RANBP2: variants seen among roughly 807,000 people sequenced by gnomAD.
RANBP2 encodes the protein E3 SUMO-protein ligase RanBP2.
RANBP2 carries 57 observed loss-of-function variants against 303.6 expected under a neutral mutation model. That is an observed-to-expected ratio of 0.19 (90% CI 0.15 to 0.23). The LOEUF (loss-of-function observed/expected upper bound fraction) is 0.23. RANBP2 is among the 10% of genes least tolerant of loss of function. RANBP2 has a pLI of 1.00. For missense variants in RANBP2, 3,138 were observed against 3,780.8 expected (o/e 0.83, Z 4.46); for synonymous variants, 1,167 against 1,301.5 (o/e 0.90, Z 2.23).
At chr2:109,170,244 T>TTCTCTTCTCTTCTCTTCTTCTC in the RANBP2 span, among the ~76,000 whole-genome samples, 1 of 32,966 alleles carries the variant, frequency 3.0e-5, no homozygotes, top group African/African-American at 1.1e-4. Context: ...CTTCTTTTCT[T>TTCTCTTCTCTTCTCTTCTTCTC]TTCTCTTCTC....
At chr2:108,915,911 A>AT in the RANBP2 span, among the ~76,000 whole-genome samples, 1 of 152,126 alleles carries the variant, frequency 6.6e-6, no homozygotes, top group African/African-American at 2.4e-5. Context: ...AAAAAAATAA[A>AT]AAATAAATAA....
the RANBP2 span, among the ~76,000 whole-genome samples, chr2:108,924,688 C>T: frequency 2.6e-5 from 4 of 152,180 alleles, no homozygotes; most frequent in Admixed American, 2.6e-4. Context: ...TGCCTGCCCT[C>T]CCTCAAAGCC....
chr2:108,903,497 T>C, the RANBP2 span, among the ~76,000 whole-genome samples: 23 of 152,260 alleles, frequency 1.5e-4, no homozygotes, highest in African/African-American at 5.5e-4. Context: ...TTATATGTTA[T>C]TACATAATTT....
the RANBP2 span, among the ~76,000 whole-genome samples, chr2:108,859,566 A>C: frequency 6.6e-6 from 1 of 151,878 alleles, no homozygotes; most frequent in African/African-American, 2.4e-5. Flanking sequence ...ATCTTGAGTT[A>C]ATTTTTGTAT....
the RANBP2 span, chr2:108,896,751 A>G: frequency 1.4e-6 from 1 of 689,844 alleles, no homozygotes; most frequent in Non-Finnish European, 2.4e-6. Context: ...ATTGGAAGAC[A>G]GGCCTTATTT....
chr2:108,796,472 A>C, the RANBP2 span, among the ~76,000 whole-genome samples: 1 of 151,932 alleles, frequency 6.6e-6, no homozygotes, highest in African/African-American at 2.4e-5. Context: ...CAGCAATCCC[A>C]CTCCTGGGTA....
chr2:108,776,831 A>G (rs934348037), intron 24 of RANBP2, among the ~76,000 whole-genome samples: 7 of 152,218 alleles, frequency 4.6e-5, no homozygotes, highest in African/African-American at 1.7e-4. Flanking sequence ...TAGGCTCCAT[A>G]GAGCAGAAAC....
chr2:109,045,972 G>C, the RANBP2 span, among the ~76,000 whole-genome samples: 1,031 of 152,122 alleles, frequency 6.8e-3, 13 homozygotes, highest in African/African-American at 0.023. Flanking sequence ...CGTCTTGCAG[G>C]CCTCAGTCCT....
At chr2:109,229,743 T>C in the RANBP2 span, among the ~76,000 whole-genome samples, 2 of 152,200 alleles carry the variant, frequency 1.3e-5, no homozygotes, top group African/African-American at 2.4e-5. Context: ...ATTTGTCCTT[T>C]GTGTCTGGCA....
In RANBP2 at chr2:108,764,689, G is replaced by A; in HGVS notation, c.4150G>A (p.Glu1384Lys). The change falls in exon 20 of 29, where the codon GAG (glutamate) becomes AAG (lysine). Residue 1384 changes from glutamate to lysine, a missense_variant. This residue lies in a region of RANBP2 where 388 missense variants were observed against 328.5 expected (regional missense o/e 1.18). Transcript: ENST00000283195. ...CCAAAATCTAAACCCAAGCAATAAA[G>A]AGCTCGTTGGCCCACCATTAGCTGA... Reference protein sequence around the residue: ...SCQNLNPSNKELVGPPLAETV... With the variant: ...SCQNLNPSNKKLVGPPLAETV... 1.9e-6 allele frequency: 3 copies of A among 1,613,942 alleles called. No homozygotes were observed. The highest frequency in any genetic ancestry group is 1.6e-4 in the Middle Eastern group (1 of 6,062).
the RANBP2 span, among the ~76,000 whole-genome samples, chr2:109,301,333 G>C: frequency 1.1e-5 from 1 of 89,918 alleles, no homozygotes; most frequent in African/African-American, 9.1e-5. Context: ...GTATCTGTGT[G>C]ACGTGTGTGT....
At chr2:109,592,186 C>T in the RANBP2 span, among the ~76,000 whole-genome samples, 19 of 152,062 alleles carry the variant, frequency 1.2e-4, no homozygotes, top group South Asian at 8.3e-4. Context: ...AAATAACGGC[C>T]GGGCGTGGTG....
chr2:109,321,543 A>G, the RANBP2 span, among the ~76,000 whole-genome samples: 5 of 152,368 alleles, frequency 3.3e-5, no homozygotes, highest in Non-Finnish European at 7.3e-5. Context: ...ATAGAAATTT[A>G]ACAAACATTC....
At chr2:109,124,008 AT>A in the RANBP2 span, among the ~76,000 whole-genome samples, 2 of 91,494 alleles carry the variant, frequency 2.2e-5, no homozygotes, top group African/African-American at 5.9e-5. Context: ...TTATTTATTT[AT>A]TTATTTATTT....
the RANBP2 span, among the ~76,000 whole-genome samples, chr2:109,317,060 A>G: frequency 6.6e-6 from 1 of 151,880 alleles, no homozygotes; most frequent in South Asian, 2.1e-4. Flanking sequence ...TCCTGAGGCT[A>G]TCTTGGTGGC....
chr2:109,244,607 A>G, the RANBP2 span, among the ~76,000 whole-genome samples: 38,227 of 152,138 alleles, frequency 0.25, 5,226 homozygotes, highest in East Asian at 0.46. Context: ...CAGGATGAGG[A>G]AAACCCAAGA....
chr2:109,608,431 T>G, the RANBP2 span, among the ~76,000 whole-genome samples: 1 of 152,216 alleles, frequency 6.6e-6, no homozygotes, highest in East Asian at 1.9e-4. Context: ...CAGGATAAAC[T>G]TGATCTGATT....
At chr2:109,732,390 G>A in the RANBP2 span, among the ~76,000 whole-genome samples, 1 of 152,076 alleles carries the variant, frequency 6.6e-6, no homozygotes, top group African/African-American at 2.4e-5. Flanking sequence ...GCACAAGCCT[G>A]GAGCCTCCAT....
the RANBP2 span, among the ~76,000 whole-genome samples, chr2:109,624,262 G>T: frequency 1.3e-5 from 2 of 152,214 alleles, no homozygotes; most frequent in Non-Finnish European, 1.5e-5. Context: ...TTGAAAGCTA[G>T]CCTGAGAAAT....
Sources: gnomAD v4.1 joint callset for allele counts (sites outside exome capture counted in the v4.1 genomes callset) on GRCh38, gnomAD v4.1.1 for gene constraint, gnomAD v4.1.1 regional missense constraint, MANE v1.5 for transcripts, NCBI Gene and HGNC (gene_info 2026-07-23, HGNC 2026-07-21) for gene names.